FRAS1: variants seen among roughly 807,000 people sequenced by gnomAD.
The protein encoded by FRAS1 is Fraser extracellular matrix complex subunit 1.
Under a neutral mutation model 435.2 loss-of-function variants are expected in FRAS1, and 290 were observed. That is an observed-to-expected ratio of 0.67 (90% confidence interval 0.61 to 0.73). The LOEUF is 0.73. Ranked by LOEUF, FRAS1 falls within the 30% of genes least tolerant of loss-of-function variation. FRAS1 has a pLI of 0.00. For synonymous variants in FRAS1, 1,800 were observed against 1,851.0 expected (o/e 0.97, Z 0.71); for missense variants, 4,860 against 5,001.5 (o/e 0.97, Z 0.85).
In FRAS1 at chr4:78,479,690, C is replaced by T. The variant is rs759369144; in HGVS notation, c.8415C>T (p.Asn2805=). 2.5e-6 allele frequency: 4 copies of T among 1,597,122 alleles called. No individual in the cohort carries two copies. Among genetic ancestry groups the T allele is most frequent in the Non-Finnish European group, 3.4e-6 (4 of 1,169,326 alleles). Residue 2805 remains asparagine, a synonymous_variant, in exon 56 of 74, where the codon AAC becomes AAT. Coordinates refer to ENST00000512123, the MANE Select transcript of FRAS1 (RefSeq NM_025074.7). ...PNDASTVSLG[N]TAFTVSEDAG... ...ATGCCTCGACTGTGTCCCTGGGCAACACGGCTTTCACTGTCAGTGAGGACG... is the reference window on the plus strand; with the variant it reads ...ATGCCTCGACTGTGTCCCTGGGCAATACGGCTTTCACTGTCAGTGAGGACG...
intron 35 of FRAS1, among the ~76,000 whole-genome samples, chr4:78,427,737 G>A (rs1734051555): frequency 6.6e-6 from 1 of 152,182 alleles, no homozygotes; most frequent in South Asian, 2.1e-4. Context: ...CTTCAATAGG[G>A]CTGTTTCTGA....
chr4:78,472,439 C>A (rs1284390062), intron 52 of FRAS1, 109 bp downstream of exon 52: 8 of 964,128 alleles, frequency 8.3e-6, no homozygotes, highest in Non-Finnish European at 1.0e-5. Context: ...GCCCAAGTAA[C>A]CACTTTGCAG....
chr4:78,274,135 G>A (rs1472624987), intron 9 of FRAS1, among the ~76,000 whole-genome samples: 1 of 152,178 alleles, frequency 6.6e-6, no homozygotes, highest in Admixed American at 6.5e-5. Flanking sequence ...ATGGTAGTTT[G>A]TATTTCTGTG....
Position 78,412,988 on chromosome 4 carries a change from C to G in FRAS1, c.4328C>G (p.Ala1443Gly). The change falls in exon 32 of 74, where the codon GCC becomes GGC. Residue 1443 changes from alanine (A) to glycine (G), a missense_variant. Physicochemically the swap from Ala to Gly is moderately conservative, Grantham distance 60. Coordinates refer to ENST00000512123, the MANE Select transcript of FRAS1 (RefSeq NM_025074.7). ...FRFEVSSASN[A>G]QTRLESHMFN... ...TTTCAGGTGTCCAGTGCCTCCAATGCCCAGACCCGCCTGGAGAGCCACATG... is the reference window on the plus strand; with the variant it reads ...TTTCAGGTGTCCAGTGCCTCCAATGGCCAGACCCGCCTGGAGAGCCACATG... 5.0e-6 allele frequency: 8 copies of G among 1,606,486 alleles called. No individual in the cohort carries two copies. In the South Asian group the frequency reaches 9.0e-5, roughly 18 times the overall value.
intron 2 of FRAS1, among the ~76,000 whole-genome samples, chr4:78,190,125 A>T (rs1722465469): frequency 6.6e-6 from 1 of 152,148 alleles, no homozygotes; most frequent in South Asian, 2.1e-4. Flanking sequence ...TTTCTGGTGC[A>T]CTTAGTGCAC....
chr4:78,523,243 C>G (rs1033816225), intron 69 of FRAS1, among the ~76,000 whole-genome samples: 2 of 152,172 alleles, frequency 1.3e-5, no homozygotes, highest in African/African-American at 4.8e-5. Context: ...CACCTACAAC[C>G]TATGGTGGGG....
At chr4:78,095,587 A>C (rs1383664820) in intron 2 of FRAS1, among the ~76,000 whole-genome samples, 1 of 152,220 alleles carries the variant, frequency 6.6e-6, no homozygotes, top group Non-Finnish European at 1.5e-5. Context: ...ATATAATTCC[A>C]AGTGGCTGTG....
At position 78,499,889 on chromosome 4, in the gene FRAS1, A is replaced by C; in HGVS notation, c.9284A>C (p.Tyr3095Ser). The C allele has an allele frequency of 6.3e-7, 1 of 1,585,400 alleles. No individual in the cohort carries two copies. The highest frequency in any genetic ancestry group is 8.6e-7 in the Non-Finnish European group (1 of 1,160,156). The change falls in exon 61 of 74, where the codon TAC becomes TCC. Residue 3095 changes from tyrosine to serine, a missense_variant. Physicochemically the swap from Tyr to Ser is moderately radical, Grantham distance 144 (BLOSUM62 -2). Coordinates refer to ENST00000512123, the MANE Select transcript of FRAS1 (RefSeq NM_025074.7). Reference sequence around the variant, plus strand: ...TCTGCCCAGTCTGGTGTGGATTATTACCCAAAGAGCCGAGTCTTGAAGTTC... The same window carrying C: ...TCTGCCCAGTCTGGTGTGGATTATTCCCCAAAGAGCCGAGTCTTGAAGTTC... ...DGSAQSGVDY[Y>S]PKSRVLKFSP...
intron 45 of FRAS1, among the ~76,000 whole-genome samples, chr4:78,450,698 G>A (rs1388302185): frequency 6.6e-6 from 1 of 152,078 alleles, no homozygotes; most frequent in Non-Finnish European, 1.5e-5. Flanking sequence ...TTCCTTAGGT[G>A]AGCAATTTAT....
chr4:78,173,109 G>GT (rs1721626777), intron 2 of FRAS1, among the ~76,000 whole-genome samples: 1 of 152,202 alleles, frequency 6.6e-6, no homozygotes, highest in South Asian at 2.1e-4. Flanking sequence ...TTCTGACTTT[G>GT]TGTCTCCATG....
intron 56 of FRAS1, 150 bp downstream of exon 56, chr4:78,479,868 G>T: frequency 1.9e-6 from 1 of 526,180 alleles, no homozygotes; most frequent in Non-Finnish European, 3.2e-6. Context: ...TATAATGCTT[G>T]GCCAAGACCA....
intron 47 of FRAS1, among the ~76,000 whole-genome samples, chr4:78,463,690 G>A (rs1010450681): frequency 1.3e-5 from 2 of 152,102 alleles, no homozygotes; most frequent in African/African-American, 4.8e-5. Context: ...AACAGAGAGG[G>A]GCTTGGAGAA....
chr4:78,093,315 G>A (rs1741625994), intron 2 of FRAS1, among the ~76,000 whole-genome samples: 1 of 152,224 alleles, frequency 6.6e-6, no homozygotes, highest in African/African-American at 2.4e-5. Flanking sequence ...TAAAATTCCA[G>A]TAATGGAAAG....
At chr4:78,411,659 C>T (rs1733340727) in intron 31 of FRAS1, among the ~76,000 whole-genome samples, 1 of 152,086 alleles carries the variant, frequency 6.6e-6, no homozygotes, top group Non-Finnish European at 1.5e-5. Flanking sequence ...CAAAACAGAC[C>T]AACACATCTC....
chr4:78,144,176 CAAG>C (rs1720316259), intron 2 of FRAS1, among the ~76,000 whole-genome samples: 1 of 150,162 alleles, frequency 6.7e-6, no homozygotes, highest in Admixed American at 6.6e-5. Flanking sequence ...CAAAAAAACT[CAAG>C]AAGAAAAAAA....
intron 2 of FRAS1, among the ~76,000 whole-genome samples, chr4:78,140,701 A>G (rs553701781): frequency 3.9e-5 from 3 of 77,550 alleles, no homozygotes; most frequent in Non-Finnish European, 7.5e-5. Flanking sequence ...ATATGTGTAT[A>G]TGCATATACG....
At chr4:78,379,633 G>A in intron 26 of FRAS1, 93 bp from the exon 27 acceptor site, 2 of 1,163,172 alleles carry the variant, frequency 1.7e-6, no homozygotes, top group Non-Finnish European at 2.5e-6. Flanking sequence ...AAATTGTAAG[G>A]AGGTGGTCTG....
chr4:78,298,677 T>C (rs896607944), intron 14 of FRAS1, among the ~76,000 whole-genome samples: 7 of 152,246 alleles, frequency 4.6e-5, no homozygotes, highest in African/African-American at 1.7e-4. Context: ...CTTAAGACTA[T>C]GACCTAGTGG....
intron 2 of FRAS1, among the ~76,000 whole-genome samples, chr4:78,178,320 T>C (rs570526676): frequency 6.6e-6 from 1 of 152,294 alleles, no homozygotes; most frequent in South Asian, 2.1e-4. Context: ...GGAGAATAAG[T>C]GGGATGTTCT....
Sources: gnomAD v4.1 joint callset for allele counts (sites outside exome capture counted in the v4.1 genomes callset) on GRCh38, gnomAD v4.1.1 for gene constraint, MANE v1.5 for transcripts, NCBI Gene and HGNC (gene_info 2026-07-23, HGNC 2026-07-21) for gene names.